Variants in PLEKHH1 observed in about 807,000 individuals in gnomAD.
PLEKHH1 encodes the protein pleckstrin homology domain-containing family H member 1.
In PLEKHH1, 104 loss-of-function variants were observed where a neutral mutation model predicts 160.0. The observed-to-expected ratio is 0.65, with a 90% CI of 0.55 to 0.76. The LOEUF is 0.76. Among genes scored for constraint, PLEKHH1 ranks in the 30% least tolerant of loss-of-function variants. PLEKHH1 has a pLI of 0.00. For missense variants in PLEKHH1, 1,427 were observed against 1,724.1 expected (o/e 0.83, Z 3.05); for synonymous variants, 619 against 678.4 (o/e 0.91, Z 1.36).
chr14:67,578,256 G>A lies in PLEKHH1; in HGVS notation c.2751+57G>A. 1 of 1,492,016 alleles carries A rather than the reference G, an allele frequency of 6.7e-7. No homozygotes were observed. Among genetic ancestry groups the A allele is most frequent in the East Asian group, 2.3e-5 (1 of 44,314 alleles). 92.4% of individuals were successfully genotyped at this position (1,492,016 alleles called of 1,614,324 possible). A position where few individuals can be genotyped will look rare whatever the true frequency, so the allele number is the denominator to read the frequency against. ...AAGCCATTGGCAAGGGCTGCCAGGT[G>A]GGAAAGGTGGGAGGAGGTGACTGGG... is the stretch of plus-strand genomic sequence containing the variant. On this transcript the variant is annotated intron_variant, in intron 19 of 28. Transcript: ENST00000329153. The surrounding 1 kb of genome is among the most constrained non-coding windows in gnomAD (Gnocchi z 5.0).
intron 28 of PLEKHH1, chr14:67,586,310 A>G: frequency 8.1e-7 from 1 of 1,232,190 alleles, no homozygotes; most frequent in East Asian, 2.5e-5. Context: ...TTTGGAGGGA[A>G]CTAACTCTGG....
intron 2 of PLEKHH1, among the ~76,000 whole-genome samples, chr14:67,548,672 G>A (rs1449211395): frequency 2.0e-5 from 3 of 152,088 alleles, no homozygotes; most frequent in African/African-American, 7.2e-5. Flanking sequence ...ACTCCAGCTC[G>A]GGCGACAAGA....
Position 67,586,113 on chromosome 14 carries a change from G to C in PLEKHH1, c.3933+16G>C. 1.9e-6 allele frequency: 3 copies of C among 1,613,220 alleles called. No individual in the cohort carries two copies. Among genetic ancestry groups the C allele is most frequent in the South Asian group, 2.2e-5 (2 of 91,078 alleles). On this transcript the variant is annotated intron_variant, in intron 28 of 28. Transcript: ENST00000329153. ...TGCTCCCAAGGTAGGTCTGACAGCT[G>C]TTAAAACGTTCTACTCTGGCAAGAT...
Position 67,541,911 on chromosome 14 carries a change from A to AG in PLEKHH1, c.45dup (p.Lys16GlufsTer26), listed in dbSNP as rs754963159. Reference sequence around the variant, plus strand: ...GAGGCGCCGGCCAGCGTAGACTGGCAGAAACGCTGCCTGACCCTGGAAACT... The same window carrying AG: ...GAGGCGCCGGCCAGCGTAGACTGGCAGGAAACGCTGCCTGACCCTGGAAACT... On this transcript the variant is annotated frameshift_variant, in exon 2 of 29. Transcript: ENST00000329153. LOFTEE classifies it high-confidence loss of function. 2 of 1,605,288 alleles carry AG rather than the reference A, an allele frequency of 1.2e-6. No individual in the cohort carries two copies. The highest frequency in any genetic ancestry group is 2.2e-5 in the South Asian group (2 of 89,058).
chr14:67,580,985 C>G lies in PLEKHH1; in HGVS notation c.3231C>G (p.His1077Gln). 1 of 1,613,598 alleles carries G rather than the reference C, an allele frequency of 6.2e-7. No individual in the cohort carries two copies. The highest frequency in any genetic ancestry group is 8.5e-7 in the Non-Finnish European group (1 of 1,179,546). The change falls in exon 23 of 29, where the codon CAC becomes CAG. Residue 1077 changes from histidine to glutamine, a missense_variant. Around this residue, in one of 6 missense-constraint regions of PLEKHH1, gnomAD observed 436 missense variants for 607.5 expected, o/e 0.72. Coordinates refer to ENST00000329153, the MANE Select transcript of PLEKHH1 (RefSeq NM_020715.3). ...SKWEQAMKEL[H>Q]PGKSEGGTRV... ...GGGAACAAGCCATGAAGGAGCTGCA[C>G]CCCGGAAAGTCTGAGGGTGGGACAC...
chr14:67,562,988 C>A, intron 7 of PLEKHH1, 94 bp downstream of exon 7: 1 of 1,307,500 alleles, frequency 7.6e-7, no homozygotes, highest in Non-Finnish European at 1.0e-6. Flanking sequence ...GGAGAGGAGG[C>A]TGCTGGCATC....
rs945981053 is a variant in PLEKHH1, at chr14:67,587,011, T to A, written c.3934-63T>A. 7 of 1,529,456 alleles carry A rather than the reference T, an allele frequency of 4.6e-6. No homozygotes were observed. The East Asian group carries it at 1.2e-4, about 27-fold the overall frequency. 94.7% of individuals were successfully genotyped at this position (1,529,456 alleles called of 1,614,324 possible). A position where few individuals can be genotyped will look rare whatever the true frequency, so the allele number is the denominator to read the frequency against. The stretch of plus-strand genomic sequence containing the variant: ...GGAACTCAGCATAAGAGCTAATAAG[T>A]AAGAAAGCCAGGATTCAAGCCAAGG... On this transcript the variant is annotated intron_variant, in intron 28 of 28. Transcript: ENST00000329153.
intron 7 of PLEKHH1, among the ~76,000 whole-genome samples, chr14:67,566,800 A>C (rs769011485): frequency 1.3e-5 from 2 of 150,968 alleles, no homozygotes; most frequent in Non-Finnish European, 2.9e-5. Flanking sequence ...GGTTAAGTGT[A>C]TGTGTGTGAG....
intron 4 of PLEKHH1, among the ~76,000 whole-genome samples, chr14:67,557,931 A>AGTCGT: frequency 6.6e-6 from 1 of 152,342 alleles, no homozygotes. Flanking sequence ...CTGGATGGTC[A>AGTCGT]GTCGTGGCCA....
chr14:67,535,705 C>T (rs1398986484), intron 1 of PLEKHH1, among the ~76,000 whole-genome samples: 1 of 152,134 alleles, frequency 6.6e-6, no homozygotes, highest in Admixed American at 6.5e-5. Flanking sequence ...TGGGCCACAT[C>T]TCCTTTTATG....
chr14:67,578,554 G>T lies in PLEKHH1; in HGVS notation c.2772G>T (p.Leu924=). ...SLMQCWQLLA[L]CAPLFLPQHH... is the part of the protein sequence containing the mutation. ...GGCAGTGCTGGCAGCTCCTCGCTCT[G>T]TGTGCTCCACTTTTCCTGCCTCAGC... is the stretch of plus-strand genomic sequence containing the variant. Residue 924 remains leucine (L), a synonymous_variant, in exon 20 of 29, where the codon CTG becomes CTT. Transcript: ENST00000329153. The surrounding 1 kb of genome is among the most constrained non-coding windows in gnomAD (Gnocchi z 5.0). 1.2e-6 allele frequency: 2 copies of T among 1,610,958 alleles called. No individual in the cohort carries two copies. Among genetic ancestry groups the T allele is most frequent in the Non-Finnish European group, 1.7e-6 (2 of 1,178,776 alleles).
intron 14 of PLEKHH1, among the ~76,000 whole-genome samples, chr14:67,575,018 T>A (rs1014405364): frequency 1.3e-5 from 2 of 152,216 alleles, no homozygotes; most frequent in African/African-American, 2.4e-5. Flanking sequence ...TTCTGTTCCT[T>A]CATGATGCAT....
At chr14:67,543,998 G>A (rs1283452720) in intron 2 of PLEKHH1, among the ~76,000 whole-genome samples, 2 of 152,136 alleles carry the variant, frequency 1.3e-5, no homozygotes, top group Non-Finnish European at 2.9e-5. Flanking sequence ...TGAAGTTAGA[G>A]TTTTAATATC....
At chr14:67,567,570 G>A (rs933836737) in intron 7 of PLEKHH1, among the ~76,000 whole-genome samples, 1 of 152,082 alleles carries the variant, frequency 6.6e-6, no homozygotes, top group African/African-American at 2.4e-5. Flanking sequence ...CTGCCCTGCT[G>A]CAGGGCCCTC....
chr14:67,573,229 C>T lies in PLEKHH1; in HGVS notation c.1729-47C>T. ...CTTGGACCTGTGTGATGTCTAGGAG[C>T]CCTGAGTGATTTCCCCTTTCTTCAT... is the stretch of plus-strand genomic sequence containing the variant. On this transcript the variant is annotated intron_variant, in intron 11 of 28. Coordinates refer to ENST00000329153, the MANE Select transcript of PLEKHH1 (RefSeq NM_020715.3). This position sits in a 1 kb window ranked among gnomAD's most constrained non-coding sequence, Gnocchi z 4.8. 1 of 1,191,566 alleles carries T rather than the reference C, an allele frequency of 8.4e-7. No homozygotes were observed. Among genetic ancestry groups the T allele is most frequent in the South Asian group, 1.2e-5 (1 of 82,210 alleles). 73.8% of individuals were successfully genotyped at this position (1,191,566 alleles called of 1,614,324 possible).
rs769653726 is a variant in PLEKHH1 at position 67,562,593 on chromosome 14, C to A, written c.962C>A (p.Pro321Gln). The A allele has an allele frequency of 1.9e-6, 3 of 1,612,814 alleles. No individual in the cohort carries two copies. The highest frequency in any genetic ancestry group is 2.2e-5 in the South Asian group (2 of 90,828). ...CCAAAGGTGCGGGCTCCTGGCACCCCGCGGGACAGCATCCAGTTGGCCAAA... is the reference window on the plus strand; with the variant it reads ...CCAAAGGTGCGGGCTCCTGGCACCCAGCGGGACAGCATCCAGTTGGCCAAA... ...TLPKVRAPGT[P>Q]RDSIQLAKRH... The change falls in exon 7 of 29, where the codon CCG becomes CAG. Residue 321 changes from proline (P) to glutamine (Q), a missense_variant. Physicochemically the swap from Pro to Gln is moderately conservative, Grantham distance 76. Coordinates refer to ENST00000329153, the MANE Select transcript of PLEKHH1 (RefSeq NM_020715.3).
At chr14:67,559,773 G>T in intron 5 of PLEKHH1, 82 bp downstream of exon 5, 1 of 864,240 alleles carries the variant, frequency 1.2e-6, no homozygotes, top group South Asian at 1.4e-5. Flanking sequence ...GCCCCCTACT[G>T]TCTAGGGTGC....
chr14:67,555,386 G>C (rs2140386584), intron 2 of PLEKHH1, among the ~76,000 whole-genome samples: 1 of 152,204 alleles, frequency 6.6e-6, no homozygotes, highest in East Asian at 1.9e-4. Flanking sequence ...ATTCTGAGTG[G>C]GGAGAAGTGT....
At chr14:67,538,056 G>A (rs185969373) in intron 1 of PLEKHH1, among the ~76,000 whole-genome samples, 1 of 152,100 alleles carries the variant, frequency 6.6e-6, no homozygotes, top group Non-Finnish European at 1.5e-5. Context: ...GGGGACAGAG[G>A]GACTTATTGT....
Sources: allele counts gnomAD v4.1 joint callset (sites outside exome capture counted in the v4.1 genomes callset), GRCh38; gene constraint gnomAD v4.1.1; regional missense constraint gnomAD v4.1.1; non-coding constraint Gnocchi (gnomAD v3.1); transcripts MANE v1.5; gene names NCBI Gene and HGNC (gene_info 2026-07-23, HGNC 2026-07-21).